Variants in ZNF536 observed in about 807,000 individuals in gnomAD.
The protein encoded by ZNF536 is zinc finger protein 536.
In ZNF536, 13 loss-of-function variants were observed where a neutral mutation model predicts 84.5. The observed-to-expected ratio is 0.15, with a 90% CI of 0.10 to 0.24. The LOEUF is 0.24. Ranked by LOEUF, ZNF536 falls within the 10% of genes least tolerant of loss-of-function variation. ZNF536 has a pLI of 1.00. For synonymous variants in ZNF536, 811 were observed against 742.5 expected (o/e 1.09, Z -1.50); for missense variants, 1,536 against 1,747.5 (o/e 0.88, Z 2.16).
rs117512963 is a variant in ZNF536 at position 30,677,725 on chromosome 19, T to G, written c.170-33032T>G. On this transcript the variant is annotated intron_variant, in intron 1 of 1. Coordinates refer to the ZNF536 transcript ENST00000592773. The stretch of plus-strand genomic sequence containing the variant: ...ACCAATGACTTTGATCTTTTGCGAT[T>G]TTTGTCTTTCCTGGCATCAAGAAAC... Among the ~76,000 whole-genome samples, 997 of 152,362 alleles carry G rather than the reference T, an allele frequency of 6.5e-3. 3 individuals are homozygous for G. The highest frequency in any genetic ancestry group is 0.011 in the Non-Finnish European group (723 of 68,034).
intron 2 of ZNF536, among the ~76,000 whole-genome samples, chr19:30,519,851 G>A (rs1473316693): frequency 6.6e-6 from 1 of 152,212 alleles, no homozygotes; most frequent in Non-Finnish European, 1.5e-5. Flanking sequence ...CCCCATCCCA[G>A]CCTTCAAAGA....
intron 1 of ZNF536, among the ~76,000 whole-genome samples, chr19:30,387,222 G>A (rs1340569641): frequency 1.3e-5 from 2 of 152,208 alleles, no homozygotes; most frequent in Non-Finnish European, 2.9e-5. Context: ...CCTGGATGTG[G>A]GGAGAAAGGC....
intron 1 of ZNF536, among the ~76,000 whole-genome samples, chr19:30,685,527 G>C (rs767418132): frequency 2.0e-5 from 3 of 152,092 alleles, no homozygotes; most frequent in African/African-American, 7.2e-5. Flanking sequence ...AGGTAGAGAC[G>C]GAAGGGATGG....
At chr19:30,344,097 G>A (rs577743316) in intron 2 of ZNF536, among the ~76,000 whole-genome samples, 1 of 151,706 alleles carries the variant, frequency 6.6e-6, no homozygotes, top group East Asian at 2.0e-4. Flanking sequence ...GGTTTCAGGG[G>A]CACCCCTGTT....
intron 1 of ZNF536, among the ~76,000 whole-genome samples, chr19:30,230,008 G>A (rs10409112): frequency 0.15 from 22,938 of 152,142 alleles, 2,541 homozygotes; most frequent in African/African-American, 0.3. Context: ...TCAAACTTAA[G>A]TGCGATTGTG....
At chr19:30,524,582 AAACTC>A (rs1459308081) in intron 2 of ZNF536, among the ~76,000 whole-genome samples, 1 of 152,188 alleles carries the variant, frequency 6.6e-6, no homozygotes, top group Non-Finnish European at 1.5e-5. Flanking sequence ...TCCCAGGAGA[AAACTC>A]AACTCCGCAA....
chr19:30,262,014 A>G (rs909539588), intron 1 of ZNF536, among the ~76,000 whole-genome samples: 3 of 152,162 alleles, frequency 2.0e-5, no homozygotes, highest in African/African-American at 7.2e-5. Flanking sequence ...CTCATTGGCA[A>G]TGCAATTACT....
At position 30,443,830 on chromosome 19, in the gene ZNF536, C is replaced by G; in HGVS notation, c.268C>G (p.Arg90Gly). The G allele has an allele frequency of 1.2e-6, 2 of 1,613,174 alleles. No individual in the cohort carries two copies. The highest frequency in any genetic ancestry group is 2.7e-5 in the African/African-American group (2 of 75,066). ...GGCGCTCCTGGCCAACCAGCTGGGC[C>G]GGGAGGTGGACACCAGCCTCAACGG... ...QMALLANQLG[R>G]EVDTSLNGRV... is the part of the protein sequence containing the mutation. Residue 90 changes from arginine to glycine, a missense_variant, in exon 2 of 5, where the codon CGG becomes GGG. Arg to Gly is a moderately radical substitution (Grantham distance 125, BLOSUM62 -2). This residue lies in a region of ZNF536 where 161 missense variants were observed against 178.5 expected (regional missense o/e 0.90). Coordinates refer to ENST00000355537, the MANE Select transcript of ZNF536 (RefSeq NM_014717.3).
chr19:30,458,469 T>TC (rs2052973193), intron 2 of ZNF536, among the ~76,000 whole-genome samples: 1 of 148,586 alleles, frequency 6.7e-6, no homozygotes, highest in Non-Finnish European at 1.5e-5. Context: ...TTTTTTTTTT[T>TC]TGACCGAGTT....
At chr19:30,460,099 T>G (rs905722697) in intron 2 of ZNF536, among the ~76,000 whole-genome samples, 2 of 152,156 alleles carry the variant, frequency 1.3e-5, no homozygotes, top group African/African-American at 4.8e-5. Flanking sequence ...AGAGCAGCAC[T>G]TTTTTCTAGA....
chr19:30,631,260 C>T (rs2048877788), intron 1 of ZNF536, among the ~76,000 whole-genome samples: 1 of 152,208 alleles, frequency 6.6e-6, no homozygotes. Context: ...AGTCACCTTG[C>T]CACCCACACT....
At chr19:30,524,713 AC>A (rs372734210) in intron 2 of ZNF536, among the ~76,000 whole-genome samples, 136 of 151,980 alleles carry the variant, frequency 8.9e-4, no homozygotes, top group South Asian at 1.7e-3. Context: ...CTCCACCCCC[AC>A]CCAAACAGGA....
rs542480058 is a variant in ZNF536 at position 30,441,882 on chromosome 19, C to G, written c.-2-1679C>G. On this transcript the variant is annotated intron_variant, in intron 1 of 4. Coordinates refer to ENST00000355537, the MANE Select transcript of ZNF536 (RefSeq NM_014717.3). ...ACTCCTCCTGCCAAGGAAGTCAGGT[C>G]TCCCATTGGAGACCCTCCATGCCAC... Among the ~76,000 whole-genome samples the G allele has an allele frequency of 3.3e-5, 5 of 152,340 alleles. No individual in the cohort carries two copies. In the East Asian group the frequency reaches 9.7e-4, roughly 29 times the overall value.
intron 1 of ZNF536, among the ~76,000 whole-genome samples, chr19:30,564,009 G>A (rs373117444): frequency 2.6e-5 from 4 of 152,288 alleles, no homozygotes; most frequent in African/African-American, 9.6e-5. Flanking sequence ...CCAAGGGAGA[G>A]GGAGAGTGCC....
chr19:30,447,222 G>A (rs2052394089), intron 2 of ZNF536, among the ~76,000 whole-genome samples: 1 of 152,054 alleles, frequency 6.6e-6, no homozygotes, highest in Non-Finnish European at 1.5e-5. Context: ...TCACTCTTTG[G>A]TTTAGATACC....
At position 30,703,064 on chromosome 19, in the gene ZNF536, C is replaced by T. The variant is rs577373323; in HGVS notation, c.170-7693C>T. Reference sequence around the variant, plus strand: ...CCATGGTGGCAGGCCTGGGGTCATCCGGGAGGCCTTCCCCAGGCAGAGGCA... The same window carrying T: ...CCATGGTGGCAGGCCTGGGGTCATCTGGGAGGCCTTCCCCAGGCAGAGGCA... On this transcript the variant is annotated intron_variant, in intron 1 of 1. Coordinates refer to the ZNF536 transcript ENST00000592773. Among the ~76,000 whole-genome samples, 5 of 152,244 alleles carry T rather than the reference C, an allele frequency of 3.3e-5. No homozygotes were observed. In the East Asian group the frequency reaches 7.7e-4, roughly 24 times the overall value.
At chr19:30,411,760 A>C (rs936742239) in intron 1 of ZNF536, among the ~76,000 whole-genome samples, 1 of 152,076 alleles carries the variant, frequency 6.6e-6, no homozygotes, top group Non-Finnish European at 1.5e-5. Context: ...CTTTCTTAAA[A>C]CTTGCTTGGC....
At chr19:30,535,136 T>C (rs533704888) in intron 3 of ZNF536, 137 bp downstream of exon 3, 18 of 989,988 alleles carry the variant, frequency 1.8e-5, no homozygotes, top group East Asian at 5.4e-5. Flanking sequence ...CTAGCCACCA[T>C]TGTATGGCTC....
intron 2 of ZNF536, among the ~76,000 whole-genome samples, chr19:30,320,027 C>T (rs900614830): frequency 4.6e-5 from 7 of 152,078 alleles, no homozygotes; most frequent in Non-Finnish European, 1.0e-4. Context: ...TTTTTTCATC[C>T]TTTTGCCATT....
Sources: allele counts gnomAD v4.1 joint callset (sites outside exome capture counted in the v4.1 genomes callset), GRCh38; gene constraint gnomAD v4.1.1; regional missense constraint gnomAD v4.1.1; transcripts MANE v1.5; gene names NCBI Gene and HGNC (gene_info 2026-07-23, HGNC 2026-07-21).